The following MEGF6 variants were observed in gnomAD, a reference collection of about 807,000 sequenced individuals.
The protein encoded by MEGF6 is multiple EGF like domains 6, also known as multiple epidermal growth factor-like domains protein 6.
In MEGF6, 184 loss-of-function variants were observed where a neutral mutation model predicts 207.1. The observed-to-expected ratio is 0.89, with a 90% CI of 0.79 to 1.00. The LOEUF (loss-of-function observed/expected upper bound fraction) is 1.00, where lower values mean the gene tolerates loss of function less well. Among genes scored for constraint, MEGF6 ranks in the 50% least tolerant of loss-of-function variants. The pLI, the probability that MEGF6 is intolerant of heterozygous loss-of-function variation, is 0.00. For missense variants in MEGF6, 2,282 were observed against 2,202.9 expected, an observed-to-expected ratio of 1.04 and a Z score of -0.72; for synonymous variants, 1,038 against 910.0, an observed-to-expected ratio of 1.14 and a Z score of -2.53.
intron 4 of MEGF6, among the ~76,000 whole-genome samples, chr1:3,568,493 A>AGT (rs1173070567): frequency 5.1e-4 from 77 of 152,186 alleles, no homozygotes; most frequent in African/African-American, 1.8e-3. Flanking sequence ...GCTCCTTAGG[A>AGT]GTCCCAGCAC....
intron 4 of MEGF6, among the ~76,000 whole-genome samples, chr1:3,544,015 G>A (rs573106305): frequency 1.8e-4 from 28 of 152,280 alleles, no homozygotes; most frequent in Admixed American, 3.9e-4. Flanking sequence ...TTCACCACCC[G>A]GAGCCGCTCT....
At chr1:3,495,739 C>G in intron 30 of MEGF6, 151 bp downstream of exon 30, 1 of 992,030 alleles carries the variant, frequency 1.0e-6, no homozygotes, top group Non-Finnish European at 1.4e-6. Context: ...CTACAGCACT[C>G]TCATCTCAGC....
intron 5 of MEGF6, among the ~76,000 whole-genome samples, chr1:3,519,501 G>A (rs931087386): frequency 2.0e-4 from 30 of 152,246 alleles, no homozygotes; most frequent in Non-Finnish European, 3.2e-4. Context: ...CGTCAGCTCC[G>A]ACCTGCCCTC....
At chr1:3,491,950 C>G (rs111982366) in intron 35 of MEGF6, among the ~76,000 whole-genome samples, 43 of 151,956 alleles carry the variant, frequency 2.8e-4, no homozygotes, top group Middle Eastern at 3.4e-3. Flanking sequence ...CCGGCACACA[C>G]GCCTGTGCCC....
the MEGF6 span, among the ~76,000 whole-genome samples, chr1:3,620,791 C>T: frequency 2.0e-5 from 3 of 152,190 alleles, no homozygotes; most frequent in Non-Finnish European, 2.9e-5. Flanking sequence ...GCGCGGAGAC[C>T]GGTAGCAGCC....
chr1:3,564,169 G>A (rs149019651), intron 4 of MEGF6, among the ~76,000 whole-genome samples: 3 of 150,822 alleles, frequency 2.0e-5, no homozygotes, highest in East Asian at 2.1e-4. Flanking sequence ...GGGTCAGGGT[G>A]GGGGAGCTGA....
chr1:3,548,758 A>G (rs1642794854), intron 4 of MEGF6, among the ~76,000 whole-genome samples: 1 of 152,042 alleles, frequency 6.6e-6, no homozygotes. Flanking sequence ...GGCCTGGAAC[A>G]CAGCTGGCCA....
intron 4 of MEGF6, among the ~76,000 whole-genome samples, chr1:3,574,276 G>T (rs772552936): frequency 2.1e-4 from 32 of 151,862 alleles, no homozygotes; most frequent in Admixed American, 3.3e-4. Flanking sequence ...GGACCTTCTA[G>T]AAGCTTGGCT....
intron 4 of MEGF6, among the ~76,000 whole-genome samples, chr1:3,530,784 C>T (rs943368525): frequency 1.3e-5 from 2 of 152,204 alleles, no homozygotes; most frequent in African/African-American, 4.8e-5. Flanking sequence ...CCATGGGGAG[C>T]GGGGAACCCT....
intron 4 of MEGF6, 101 bp from the exon 5 acceptor site, chr1:3,524,347 C>CT: frequency 6.7e-7 from 1 of 1,492,394 alleles, no homozygotes; most frequent in South Asian, 1.3e-5. Flanking sequence ...AGGTCCCTCC[C>CT]GTGCCTCGAG....
In MEGF6 at chr1:3,501,801, TCA is replaced by T. The variant is rs780878456; in HGVS notation, c.2307_2308del (p.Cys769Ter). ...GGGCTGCGGCTGACACTCACCTGCC[TCA>T]CAGTCTTCCCCAGTCCTCCCCGGCG... On this transcript the variant is annotated stop_gained and frameshift_variant, in exon 18 of 37. Transcript: ENST00000356575. LOFTEE classifies it high-confidence loss of function. The T allele has an allele frequency of 4.3e-6, 7 of 1,610,198 alleles. No individual in the cohort carries two copies. The highest frequency in any genetic ancestry group is 5.9e-6 in the Non-Finnish European group (7 of 1,178,828).
chr1:3,611,232 C>A lies in MEGF6; in HGVS notation c.37G>T (p.Ala13Ser). Residue 13 changes from alanine to serine, a missense_variant, in exon 1 of 37, where the codon GCG (alanine) becomes TCG (serine). Ala to Ser is a moderately conservative substitution (Grantham distance 99). Transcript: ENST00000356575. ...FLEEARAAGRAVVLALVLLLL... is the reference protein window; with the variant it reads ...FLEEARAAGRSVVLALVLLLL... Reference sequence around the variant, plus strand: ...AGCAGCACCAACGCCAGGACCACCGCGCGCCCCGCTGCCCTCGCCTCTTCA... The same window carrying A: ...AGCAGCACCAACGCCAGGACCACCGAGCGCCCCGCTGCCCTCGCCTCTTCA... 1.3e-6 allele frequency: 2 copies of A among 1,537,584 alleles called. No individual in the cohort carries two copies. Among genetic ancestry groups the A allele is most frequent in the Non-Finnish European group, 8.7e-7 (1 of 1,153,198 alleles).
chr1:3,514,242 C>T (rs1282361468), intron 7 of MEGF6, among the ~76,000 whole-genome samples: 6 of 138,898 alleles, frequency 4.3e-5, no homozygotes, highest in African/African-American at 1.3e-4. Flanking sequence ...AGCGAGACTC[C>T]GTCTCAAAAA....
intron 4 of MEGF6, among the ~76,000 whole-genome samples, chr1:3,540,598 G>A (rs762013753): frequency 6.6e-6 from 1 of 152,246 alleles, no homozygotes; most frequent in African/African-American, 2.4e-5. Flanking sequence ...GGACGCCTTA[G>A]TCTGGGTAAT....
At chr1:3,539,760 G>A (rs1433647922) in intron 4 of MEGF6, among the ~76,000 whole-genome samples, 2 of 152,166 alleles carry the variant, frequency 1.3e-5, no homozygotes, top group African/African-American at 4.8e-5. Flanking sequence ...CAAGGGCAAG[G>A]CCTTGCCTGA....
intron 3 of MEGF6, among the ~76,000 whole-genome samples, chr1:3,584,033 G>C (rs1270229404): frequency 6.6e-6 from 1 of 152,240 alleles, no homozygotes; most frequent in Non-Finnish European, 1.5e-5. Context: ...CAGCTGCCCA[G>C]CTTCCCAGGC....
intron 4 of MEGF6, among the ~76,000 whole-genome samples, chr1:3,524,549 C>G (rs1357484127): frequency 6.6e-6 from 1 of 152,204 alleles, no homozygotes; most frequent in Admixed American, 6.5e-5. Context: ...GAACCGGGAG[C>G]GCACGCGGTT....
intron 4 of MEGF6, among the ~76,000 whole-genome samples, chr1:3,547,335 A>G (rs1008214318): frequency 7.9e-5 from 12 of 152,268 alleles, no homozygotes; most frequent in Non-Finnish European, 1.2e-4. Context: ...CCTCGCTCCC[A>G]GGGAAGGTGG....
At chr1:3,526,050 AGAG>A (rs1641949847) in intron 4 of MEGF6, among the ~76,000 whole-genome samples, 1 of 152,216 alleles carries the variant, frequency 6.6e-6, no homozygotes, top group African/African-American at 2.4e-5. Flanking sequence ...AGGGGCTCTC[AGAG>A]GAGAAGCCAG....
Sources: allele counts gnomAD v4.1 joint callset (sites outside exome capture counted in the v4.1 genomes callset), GRCh38; gene constraint gnomAD v4.1.1; transcripts MANE v1.5; gene names NCBI Gene and HGNC (gene_info 2026-07-23, HGNC 2026-07-21).